Variants in PARD6G observed in about 807,000 individuals in gnomAD.
The protein encoded by PARD6G is par-6 family cell polarity regulator gamma.
In PARD6G, 7 loss-of-function variants were observed where a neutral mutation model predicts 10.7. That is an observed-to-expected ratio of 0.66 (90% CI 0.37 to 1.23). The LOEUF (loss-of-function observed/expected upper bound fraction) is 1.23, where lower values mean the gene tolerates loss of function less well. PARD6G is among the 50% of genes most tolerant of loss of function. PARD6G has a pLI of 0.02. For missense variants in PARD6G, 548 were observed against 571.8 expected, an observed-to-expected ratio of 0.96 and a Z score of 0.42; for synonymous variants, 287 against 269.4, an observed-to-expected ratio of 1.07 and a Z score of -0.64.
intron 1 of PARD6G, among the ~76,000 whole-genome samples, chr18:80,227,425 A>G (rs1020138497): frequency 6.6e-6 from 1 of 152,208 alleles, no homozygotes; most frequent in Admixed American, 6.5e-5. Flanking sequence ...CATTTGCCAT[A>G]ATCTTCCCCC....
rs74532073 is a variant in PARD6G, at chr18:80,229,349, A to T, written c.72+17928T>A. Reference sequence around the variant, plus strand: ...CCGAATCTGCAGCGAGGTCCCAGTTAGGTCAGAAATTACCTTGGCACAAAA... The same window carrying T: ...CCGAATCTGCAGCGAGGTCCCAGTTTGGTCAGAAATTACCTTGGCACAAAA... On this transcript the variant is annotated intron_variant, in intron 1 of 2. Transcript: ENST00000353265. 1.9e-3 allele frequency among the ~76,000 whole-genome samples: 288 copies of T among 152,388 alleles called. 7 individuals carry two copies. The East Asian group carries it at 0.049, about 26-fold the overall frequency.
chr18:80,247,214 G>T lies in PARD6G; in HGVS notation c.72+63C>A. 1 of 1,369,732 alleles carries T rather than the reference G, an allele frequency of 7.3e-7. No homozygotes were observed. The highest frequency in any genetic ancestry group is 1.0e-6 in the Non-Finnish European group (1 of 1,000,036). 84.8% of individuals were successfully genotyped at this position (1,369,732 alleles called of 1,614,324 possible). On this transcript the variant is annotated intron_variant, in intron 1 of 2. Coordinates refer to ENST00000353265, the MANE Select transcript of PARD6G (RefSeq NM_032510.4). The surrounding 1 kb of genome is among the most constrained non-coding windows in gnomAD (Gnocchi z 4.2). ...CACGCCGCCCCAGTCCCCCTCCGCGGGGCGCCCCATTCATTAGCCAGGAGA... is the reference window on the plus strand; with the variant it reads ...CACGCCGCCCCAGTCCCCCTCCGCGTGGCGCCCCATTCATTAGCCAGGAGA...
At chr18:80,221,863 T>C (rs75272127) in intron 1 of PARD6G, among the ~76,000 whole-genome samples, 3,911 of 152,268 alleles carry the variant, frequency 0.026, 160 homozygotes, top group African/African-American at 0.089. Context: ...GTATACAATA[T>C]CCACATACAA....
rs1324119727 is a variant in PARD6G at position 80,159,383 on chromosome 18, T to C, written c.*388A>G. The C allele has an allele frequency of 1.1e-4, 18 of 163,538 alleles. No homozygotes were observed. 10.1% of individuals were successfully genotyped at this position (163,538 alleles called of 1,614,324 possible). The stretch of plus-strand genomic sequence containing the variant: ...AGAGCACAGCAAGAATGCTGAGATA[T>C]GTTGCATGGGCCAACTTACTTAAAA... On this transcript the variant is annotated 3_prime_UTR_variant, in exon 3 of 3. Coordinates refer to ENST00000353265, the MANE Select transcript of PARD6G (RefSeq NM_032510.4).
chr18:80,194,015 G>A (rs1401218016), intron 2 of PARD6G, among the ~76,000 whole-genome samples: 2 of 152,266 alleles, frequency 1.3e-5, no homozygotes, highest in South Asian at 2.1e-4. Flanking sequence ...GGCAAAAACA[G>A]GAAAAGAAAC....
chr18:80,215,185 GAAT>G (rs567741946), intron 1 of PARD6G, among the ~76,000 whole-genome samples: 131 of 152,166 alleles, frequency 8.6e-4, no homozygotes, highest in Non-Finnish European at 1.4e-3. Context: ...ATTCCCAAAT[GAAT>G]AATAAACAAA....
rs561872183 is a variant in PARD6G, at chr18:80,175,876, G to A, written c.296-15270C>T. 6.0e-6 allele frequency: 1 copy of A among 167,268 alleles called. No homozygotes were observed. The highest frequency in any genetic ancestry group is 2.1e-4 in the South Asian group (1 of 4,828). The allele number at this position is 167,268 out of a possible 1,614,324, so 10.4% of individuals were successfully genotyped here. ...CTCAGGCTTGTTTCTCTGAAATTCT[G>A]CAGGTGGTACCTCTAAATCCAAAAA... On this transcript the variant is annotated intron_variant, in intron 2 of 2. Coordinates refer to ENST00000353265, the MANE Select transcript of PARD6G (RefSeq NM_032510.4). The surrounding 1 kb of genome is among the most constrained non-coding windows in gnomAD (Gnocchi z 6.7).
At chr18:80,190,670 C>T (rs571872415) in intron 2 of PARD6G, among the ~76,000 whole-genome samples, 1 of 152,246 alleles carries the variant, frequency 6.6e-6, no homozygotes, top group Non-Finnish European at 1.5e-5. Flanking sequence ...AAGGCAGCCA[C>T]CCCTACCTCT....
In PARD6G at chr18:80,180,887, G is replaced by GTATCTAGAAGCTGCT. The variant is rs1160307765; in HGVS notation, c.296-20282_296-20281insAGCAGCTTCTAGATA. Among the ~76,000 whole-genome samples the GTATCTAGAAGCTGCT allele has an allele frequency of 6.6e-6, 1 of 152,152 alleles. No individual in the cohort carries two copies. The highest frequency in any genetic ancestry group is 1.5e-5 in the Non-Finnish European group (1 of 68,016). The stretch of plus-strand genomic sequence containing the variant: ...TGGCACAAGTTGGGGGGAAGCTCCT[G>GTATCTAGAAGCTGCT]GTATCTAGACAGCAGAGGCCGGGGC... On this transcript the variant is annotated intron_variant, in intron 2 of 2. Transcript: ENST00000353265. This position sits in a 1 kb window ranked among gnomAD's most constrained non-coding sequence, Gnocchi z 5.6.
At chr18:80,179,105 G>A (rs916781856) in intron 2 of PARD6G, among the ~76,000 whole-genome samples, 5 of 152,082 alleles carry the variant, frequency 3.3e-5, no homozygotes, top group African/African-American at 1.2e-4. Flanking sequence ...CACTGCCCCC[G>A]ACACCTCCCG....
chr18:80,224,837 A>C (rs1478174347), intron 1 of PARD6G, among the ~76,000 whole-genome samples: 1 of 146,170 alleles, frequency 6.8e-6, no homozygotes, highest in Admixed American at 7.2e-5. Context: ...ACAGAGTGAG[A>C]CTCCGTTTCA....
chr18:80,236,304 C>T (rs2145305056), intron 1 of PARD6G, among the ~76,000 whole-genome samples: 1 of 152,290 alleles, frequency 6.6e-6, no homozygotes, highest in Admixed American at 6.5e-5. Context: ...TTCAACAATG[C>T]TTCATGCTAA....
At chr18:80,169,696 T>C (rs949871057) in intron 2 of PARD6G, 2 of 152,242 alleles carry the variant, frequency 1.3e-5, no homozygotes, top group African/African-American at 4.8e-5. Flanking sequence ...AGCTTCTTTC[T>C]TTCCCTCTCA....
chr18:80,159,749 G>A lies in PARD6G; in HGVS notation c.*22C>T, dbSNP rs1456937584. 1 of 1,383,310 alleles carries A rather than the reference G, an allele frequency of 7.2e-7. No individual in the cohort carries two copies. The allele number at this position is 1,383,310 out of a possible 1,614,324, so 85.7% of individuals were successfully genotyped here. A position where few individuals can be genotyped will look rare whatever the true frequency, so the allele number is the denominator to read the frequency against. Reference sequence around the variant, plus strand: ...GTCCTTACCGGGGAACTGGAGCTAGGATTTGGGGGCCTCTCGGGAGTCTAG... The same window carrying A: ...GTCCTTACCGGGGAACTGGAGCTAGAATTTGGGGGCCTCTCGGGAGTCTAG... On this transcript the variant is annotated 3_prime_UTR_variant, in exon 3 of 3. Coordinates refer to ENST00000353265, the MANE Select transcript of PARD6G (RefSeq NM_032510.4).
At chr18:80,176,417 G>C (rs574110609) in intron 2 of PARD6G, among the ~76,000 whole-genome samples, 1 of 152,202 alleles carries the variant, frequency 6.6e-6, no homozygotes, top group African/African-American at 2.4e-5. Flanking sequence ...CAGACCTAAT[G>C]CCCAAGTAAA....
intron 1 of PARD6G, among the ~76,000 whole-genome samples, chr18:80,221,367 C>G (rs1392557931): frequency 6.6e-6 from 1 of 152,122 alleles, no homozygotes; most frequent in Admixed American, 6.5e-5. Flanking sequence ...CACACCATGA[C>G]CTGTGAGATT....
intron 1 of PARD6G, among the ~76,000 whole-genome samples, chr18:80,206,160 T>C (rs950858065): frequency 6.6e-6 from 1 of 152,202 alleles, no homozygotes; most frequent in Non-Finnish European, 1.5e-5. Flanking sequence ...ATTCAGACTG[T>C]TTCCTGAGAG....
Position 80,201,117 on chromosome 18 carries a change from C to T in PARD6G, c.295+1593G>A, listed in dbSNP as rs1057477636. On this transcript the variant is annotated intron_variant, in intron 2 of 2. Transcript: ENST00000353265. This position sits in a 1 kb window ranked among gnomAD's most constrained non-coding sequence, Gnocchi z 5.9. ...ACGCTCCTGGTCGGGTGGAGACAGA[C>T]GGCAAACCAGCTCTGGGAGCAATGG... Among the ~76,000 whole-genome samples the T allele has an allele frequency of 3.3e-5, 5 of 152,154 alleles. No homozygotes were observed. Among genetic ancestry groups the T allele is most frequent in the African/African-American group, 4.8e-5 (2 of 41,482 alleles).
intron 2 of PARD6G, 53 bp downstream of exon 2, chr18:80,202,657 T>C (rs1051781464): frequency 2.4e-5 from 37 of 1,525,114 alleles, no homozygotes; most frequent in Admixed American, 8.5e-5. Context: ...GAAAACTGTA[T>C]TTTAAAAATG....
Sources: allele counts gnomAD v4.1 joint callset (sites outside exome capture counted in the v4.1 genomes callset), GRCh38; gene constraint gnomAD v4.1.1; non-coding constraint Gnocchi (gnomAD v3.1); transcripts MANE v1.5; gene names NCBI Gene and HGNC (gene_info 2026-07-23, HGNC 2026-07-21).